KLHL5: variants seen among roughly 807,000 people sequenced by gnomAD.
KLHL5 encodes kelch-like protein 5.
Under a neutral mutation model 77.7 loss-of-function variants are expected in KLHL5, and 48 were observed. The ratio of observed to expected loss-of-function variants is 0.62; its 90% CI spans 0.49 to 0.79. KLHL5 has a LOEUF of 0.79. Among genes scored for constraint, KLHL5 ranks in the 30% least tolerant of loss-of-function variants. The pLI, the probability that KLHL5 is intolerant of heterozygous loss-of-function variation, is 0.00. For synonymous variants in KLHL5, 260 were observed against 297.0 expected, an observed-to-expected ratio of 0.88 and a Z score of 1.28; for missense variants, 723 against 859.7, an observed-to-expected ratio of 0.84 and a Z score of 1.99.
Position 39,075,949 on chromosome 4 carries a change from T to A in KLHL5, c.384-16T>A. 1 of 1,590,790 alleles carries A rather than the reference T, an allele frequency of 6.3e-7. No homozygotes were observed. The highest frequency in any genetic ancestry group is 8.5e-7 in the Non-Finnish European group (1 of 1,172,222). ...GATAGTGATATTTCAAAATGTGTGT[T>A]TTTTTTTCTTTTCAGGACTTCCAAT... On this transcript the variant is annotated splice_polypyrimidine_tract_variant and intron_variant, in intron 1 of 10. Coordinates refer to ENST00000504108, the MANE Select transcript of KLHL5 (RefSeq NM_015990.5).
intron 8 of KLHL5, among the ~76,000 whole-genome samples, chr4:39,109,628 T>A (rs2109557265): frequency 8.1e-6 from 1 of 122,908 alleles, no homozygotes; most frequent in Non-Finnish European, 1.8e-5. Context: ...TTTCTTTTTC[T>A]TTTTTTTTCT....
intron 8 of KLHL5, among the ~76,000 whole-genome samples, chr4:39,109,898 C>A (rs1722332222): frequency 6.6e-6 from 1 of 152,018 alleles, no homozygotes; most frequent in South Asian, 2.1e-4. Context: ...GTCGGCCAGG[C>A]TGGTCTCAAA....
chr4:39,081,137 G>T lies in KLHL5; in HGVS notation c.601G>T (p.Ala201Ser). 6.2e-7 allele frequency: 1 copy of T among 1,612,104 alleles called. No individual in the cohort carries two copies. Among genetic ancestry groups the T allele is most frequent in the South Asian group, 1.1e-5 (1 of 90,882 alleles). ...CTCCTCTGTCTCAGACTATTTTGCT[G>T]CCATGTTTACTAATGATGTCAGAGA... Reference protein sequence around the residue: ...VLSSVSDYFAAMFTNDVREAR... With the variant: ...VLSSVSDYFASMFTNDVREAR... The change falls in exon 3 of 11, where the codon GCC (alanine) becomes TCC (serine). Residue 201 changes from alanine to serine, a missense_variant. By Grantham distance (99) the Ala-to-Ser change is moderately conservative (BLOSUM62 1). Transcript: ENST00000504108. This position sits in a 1 kb window ranked among gnomAD's most constrained non-coding sequence, Gnocchi z 4.3.
intron 1 of KLHL5, among the ~76,000 whole-genome samples, chr4:39,050,383 TG>T (rs1346148020): frequency 6.6e-6 from 1 of 152,226 alleles, no homozygotes; most frequent in East Asian, 1.9e-4. Flanking sequence ...GAAGTACAGC[TG>T]GGCCTCAAAG....
At chr4:39,088,600 G>C (rs1471583909) in intron 5 of KLHL5, among the ~76,000 whole-genome samples, 2 of 151,954 alleles carry the variant, frequency 1.3e-5, no homozygotes, top group African/African-American at 4.8e-5. Flanking sequence ...TCAGATGGTG[G>C]AAGAAATAGA....
chr4:39,123,731 A>C lies in KLHL5; in HGVS notation c.*2665A>C, dbSNP rs1352211813. Among the ~76,000 whole-genome samples the C allele has an allele frequency of 6.6e-6, 1 of 152,204 alleles. No individual in the cohort carries two copies. The highest frequency in any genetic ancestry group is 1.9e-4 in the East Asian group (1 of 5,208). ...CTTTCTTAACCTGATAAAGACATCCATAAAAACCCACAGCTAACAACATAA... is the reference window on the plus strand; with the variant it reads ...CTTTCTTAACCTGATAAAGACATCCCTAAAAACCCACAGCTAACAACATAA... On this transcript the variant is annotated 3_prime_UTR_variant, in exon 11 of 11. Transcript: ENST00000504108.
chr4:39,096,796 C>G lies in KLHL5; in HGVS notation c.1218C>G (p.Pro406=). 1 of 1,613,758 alleles carries G rather than the reference C, an allele frequency of 6.2e-7. No homozygotes were observed. The highest frequency in any genetic ancestry group is 8.5e-7 in the Non-Finnish European group (1 of 1,179,700). The change falls in exon 6 of 11, where the codon CCC becomes CCG. Residue 406 remains proline (P), a synonymous_variant. Transcript: ENST00000504108. ...MKYHLLPERR[P]MLQSPRTKPR... is the part of the protein sequence containing the mutation. ...ACCATTTATTACCAGAGAGACGACC[C>G]ATGTTACAAAGTCCTCGGACAAAAC...
Position 39,086,693 on chromosome 4 carries a change from T to A in KLHL5, c.1079T>A (p.Leu360Ter), listed in dbSNP as rs1188208650. 3 of 1,613,990 alleles carry A rather than the reference T, an allele frequency of 1.9e-6. No individual in the cohort carries two copies. The highest frequency in any genetic ancestry group is 1.7e-5 in the Admixed American group (1 of 59,990). ...EQRRKDLSKL[L>*]AYIRLPLLAP... ...AGACGGAAAGATCTAAGTAAACTTT[T>A]GGCTTATATTAGGCTACCTCTTCTT... The change falls in exon 5 of 11, where the codon TTG becomes TAG. Residue 360 changes from leucine to a stop codon, truncating the protein, a stop_gained. Transcript: ENST00000504108. LOFTEE classifies it high-confidence loss of function.
upstream of KLHL5, among the ~76,000 whole-genome samples, chr4:39,061,786 A>ACC (rs1387057028): frequency 2.6e-5 from 4 of 152,360 alleles, no homozygotes; most frequent in African/African-American, 9.6e-5. Context: ...ATTTCTACTT[A>ACC]TAGAGAAATC....
chr4:39,107,552 T>C lies in KLHL5; in HGVS notation c.1526-17T>C, dbSNP rs764179019. On this transcript the variant is annotated splice_polypyrimidine_tract_variant and intron_variant, in intron 7 of 10. Coordinates refer to ENST00000504108, the MANE Select transcript of KLHL5 (RefSeq NM_015990.5). ...CAGCCAATCTGAAGTCGTTAATTGT[T>C]TCCTGTCTCCTCATAGGTGTGGCTG... 7.4e-5 allele frequency: 117 copies of C among 1,572,342 alleles called. No homozygotes were observed. Among genetic ancestry groups the C allele is most frequent in the Non-Finnish European group, 9.9e-5 (114 of 1,154,172 alleles).
intron 1 of KLHL5, among the ~76,000 whole-genome samples, chr4:39,055,862 A>G (rs1716969595): frequency 6.6e-6 from 1 of 152,202 alleles, no homozygotes; most frequent in Non-Finnish European, 1.5e-5. Context: ...GACATAGTTT[A>G]GTTTAAAGGT....
intron 6 of KLHL5, among the ~76,000 whole-genome samples, chr4:39,097,938 A>G (rs1721209723): frequency 6.6e-6 from 1 of 151,900 alleles, no homozygotes; most frequent in South Asian, 2.1e-4. Flanking sequence ...TAAGACCAGC[A>G]TGGGCAATAT....
At position 39,125,303 on chromosome 4, in the gene KLHL5, A is replaced by C. The variant is rs1723472941; in HGVS notation, c.*4237A>C. On this transcript the variant is annotated 3_prime_UTR_variant, in exon 11 of 11. Coordinates refer to ENST00000504108, the MANE Select transcript of KLHL5 (RefSeq NM_015990.5). Reference sequence around the variant, plus strand: ...TGGCAGTTCCTCAATAAGTTAAAAAAAAGAATTACCATATGACCCAGCAAG... The same window carrying C: ...TGGCAGTTCCTCAATAAGTTAAAAACAAGAATTACCATATGACCCAGCAAG... 6.6e-6 allele frequency among the ~76,000 whole-genome samples: 1 copy of C among 152,192 alleles called. No homozygotes were observed. The highest frequency in any genetic ancestry group is 1.5e-5 in the Non-Finnish European group (1 of 68,030).
At position 39,062,352 on chromosome 4, in the gene KLHL5, G is replaced by T; in HGVS notation, c.-301G>T. 9.1e-6 allele frequency: 13 copies of T among 1,432,976 alleles called. No individual in the cohort carries two copies. Among genetic ancestry groups the T allele is most frequent in the Admixed American group, 8.7e-5 (3 of 34,580 alleles). The allele number at this position is 1,432,976 out of a possible 1,614,324, so 88.8% of individuals were successfully genotyped here. A position where few individuals can be genotyped will look rare whatever the true frequency, so the allele number is the denominator to read the frequency against. ...CAGTGTTTGTGAGACCTAATGGTCA[G>T]TATGGGAAAGGAGAGCCGGGAAAGT... On this transcript the variant is annotated 5_prime_UTR_variant, in exon 1 of 11. Coordinates refer to ENST00000504108, the MANE Select transcript of KLHL5 (RefSeq NM_015990.5).
intron 5 of KLHL5, chr4:39,093,376 A>G (rs1200005569): frequency 1.3e-5 from 6 of 455,506 alleles, no homozygotes; most frequent in African/African-American, 1.2e-4. Flanking sequence ...GGCATGTGGG[A>G]TCTAATTGAG....
In KLHL5 at chr4:39,126,020, A is replaced by G. The variant is rs889423607; in HGVS notation, c.*4954A>G. Among the ~76,000 whole-genome samples the G allele has an allele frequency of 1.3e-5, 2 of 152,188 alleles. No individual in the cohort carries two copies. Among genetic ancestry groups the G allele is most frequent in the African/African-American group, 4.8e-5 (2 of 41,440 alleles). The stretch of plus-strand genomic sequence containing the variant: ...CTAACAGAAAGGCTCTTAAATCTTA[A>G]TTTCAACCTAAGAAGGGAGTGAGAA... On this transcript the variant is annotated 3_prime_UTR_variant, in exon 11 of 11. Coordinates refer to ENST00000504108, the MANE Select transcript of KLHL5 (RefSeq NM_015990.5).
the KLHL5 span, among the ~76,000 whole-genome samples, chr4:39,139,439 A>G: frequency 6.6e-6 from 1 of 152,078 alleles, no homozygotes; most frequent in African/African-American, 2.4e-5. Context: ...GGGCAGTGAA[A>G]CTATTCTGTA....
At chr4:39,098,441 A>AT (rs1362006666) in intron 6 of KLHL5, among the ~76,000 whole-genome samples, 1 of 145,270 alleles carries the variant, frequency 6.9e-6, no homozygotes, top group Non-Finnish European at 1.5e-5. Context: ...TAATTTTTGT[A>AT]TTTTTAGTAG....
chr4:39,060,461 C>CCAT (rs1228805742), upstream of KLHL5, among the ~76,000 whole-genome samples: 3 of 149,888 alleles, frequency 2.0e-5, no homozygotes, highest in African/African-American at 4.9e-5. Context: ...ACCACCACCA[C>CCAT]CACCTATTTT....
Sources: gnomAD v4.1 joint callset for allele counts (sites outside exome capture counted in the v4.1 genomes callset) on GRCh38, gnomAD v4.1.1 for gene constraint, Gnocchi (gnomAD v3.1) non-coding constraint, MANE v1.5 for transcripts, NCBI Gene and HGNC (gene_info 2026-07-23, HGNC 2026-07-21) for gene names.